MGAT4C: variants seen among roughly 807,000 people sequenced by gnomAD.
MGAT4C encodes alpha-1,3-mannosyl-glycoprotein 4-beta-N-acetylglucosaminyltransferase C.
MGAT4C carries 19 observed loss-of-function variants against 40.1 expected under a neutral mutation model. The observed-to-expected ratio is 0.47, with a 90% confidence interval of 0.33 to 0.70. The LOEUF (loss-of-function observed/expected upper bound fraction) is 0.70. Among genes scored for constraint, MGAT4C ranks in the 30% least tolerant of loss-of-function variants. The pLI is 0.02. For synonymous variants in MGAT4C, 181 were observed against 187.1 expected, an observed-to-expected ratio of 0.97 and a Z score of 0.27; for missense variants, 491 against 563.2, an observed-to-expected ratio of 0.87 and a Z score of 1.30.
Position 86,305,455 on chromosome 12 carries a change from A to G in MGAT4C, c.-57+28610T>C, listed in dbSNP as rs182423922. 8.3e-3 allele frequency among the ~76,000 whole-genome samples: 1,243 copies of G among 150,054 alleles called. 31 individuals carry two copies. Among genetic ancestry groups the G allele is most frequent in the Non-Finnish European group, 0.013 (910 of 67,934 alleles). ...ACTCCGTCTCAAAGAAAAAAAAAAA[A>G]AAAGAAAGAAAGAAATGCTGTTATG... On this transcript the variant is annotated intron_variant, in intron 4 of 7. Transcript: ENST00000548651.
intron 1 of MGAT4C, among the ~76,000 whole-genome samples, chr12:86,214,158 T>C (rs149900768): frequency 6.6e-6 from 1 of 152,322 alleles, no homozygotes; most frequent in East Asian, 1.9e-4. Context: ...AAATTGAATT[T>C]CTCTGTGTTT....
rs556514225 is a variant in MGAT4C at position 85,968,208 on chromosome 12, T to G, written c.*11081A>C. 6.6e-6 allele frequency: 1 copy of G among 152,192 alleles called. No homozygotes were observed. The highest frequency in any genetic ancestry group is 1.5e-5 in the Non-Finnish European group (1 of 67,946). 9.4% of individuals were successfully genotyped at this position (152,192 alleles called of 1,614,324 possible). ...AAAACTGATAGTTTTTCTCCTTCTT[T>G]CTTGAATATGTTTAGTTAATTTTGT... On this transcript the variant is annotated 3_prime_UTR_variant, in exon 5 of 5. Coordinates refer to ENST00000611864, the MANE Select transcript of MGAT4C (RefSeq NM_001351288.2).
At chr12:86,230,557 C>T (rs901464548) in intron 1 of MGAT4C, among the ~76,000 whole-genome samples, 3 of 152,066 alleles carry the variant, frequency 2.0e-5, no homozygotes, top group African/African-American at 7.2e-5. Flanking sequence ...AAAATGTGTC[C>T]AGTGTAAGTT....
intron 2 of MGAT4C, among the ~76,000 whole-genome samples, chr12:86,030,630 A>G (rs1338915322): frequency 6.6e-6 from 1 of 151,788 alleles, no homozygotes; most frequent in African/African-American, 2.4e-5. Context: ...ATATATATTT[A>G]TGCATTGTTC....
chr12:86,117,903 T>C (rs1370601788), intron 1 of MGAT4C, among the ~76,000 whole-genome samples: 1 of 152,150 alleles, frequency 6.6e-6, no homozygotes, highest in African/African-American at 2.4e-5. Flanking sequence ...TGATGACTAA[T>C]GGGTCATGAT....
intron 2 of MGAT4C, among the ~76,000 whole-genome samples, chr12:86,035,245 CT>C (rs1891118571): frequency 6.7e-6 from 1 of 150,086 alleles, no homozygotes; most frequent in African/African-American, 2.4e-5. Flanking sequence ...TGTTTCCTAA[CT>C]TTTTAATGAT....
At chr12:86,533,984 T>C (rs1301953960) in intron 2 of MGAT4C, among the ~76,000 whole-genome samples, 5 of 152,072 alleles carry the variant, frequency 3.3e-5, no homozygotes, top group African/African-American at 9.7e-5. Context: ...TCATGACAGA[T>C]AGTAGGCCCT....
intron 2 of MGAT4C, among the ~76,000 whole-genome samples, chr12:86,522,166 T>C (rs1958806002): frequency 6.6e-6 from 1 of 152,150 alleles, no homozygotes. Flanking sequence ...AGAGAGGATA[T>C]CTTTGTCCTG....
intron 1 of MGAT4C, among the ~76,000 whole-genome samples, chr12:86,741,263 A>G (rs1439292817): frequency 1.3e-5 from 2 of 151,306 alleles, no homozygotes; most frequent in East Asian, 3.9e-4. Context: ...TGGGATAAAA[A>G]CAATTTAAAA....
chr12:86,823,564 T>C (rs1303647830), intron 1 of MGAT4C, among the ~76,000 whole-genome samples: 2 of 151,200 alleles, frequency 1.3e-5, no homozygotes. Flanking sequence ...TCACATTGTC[T>C]GGCAAAGCTC....
chr12:86,345,251 T>G (rs1325347896), intron 3 of MGAT4C, among the ~76,000 whole-genome samples: 1 of 151,720 alleles, frequency 6.6e-6, no homozygotes. Context: ...CTTTCTTATT[T>G]ATTTATTTAT....
Position 86,247,444 on chromosome 12 carries a change from A to G in MGAT4C, c.-57+8795T>C, listed in dbSNP as rs1249427774. ...TGATTCAGAGTAGACTCTGGCCATT[A>G]CTTTCATAAAGATTACAGTCTCGTG... On this transcript the variant is annotated intron_variant, in intron 1 of 4. Transcript: ENST00000611864. Among the ~76,000 whole-genome samples the G allele has an allele frequency of 2.0e-5, 3 of 152,106 alleles. No individual in the cohort carries two copies. In the East Asian group the frequency reaches 5.8e-4, roughly 29 times the overall value.
intron 3 of MGAT4C, among the ~76,000 whole-genome samples, chr12:86,400,458 G>A (rs781133203): frequency 1.3e-5 from 2 of 152,140 alleles, no homozygotes; most frequent in Non-Finnish European, 1.5e-5. Context: ...GAAAGAGGTA[G>A]ACGATTTTCT....
At chr12:86,520,176 G>A (rs965449850) in intron 2 of MGAT4C, among the ~76,000 whole-genome samples, 1 of 151,994 alleles carries the variant, frequency 6.6e-6, no homozygotes, top group Non-Finnish European at 1.5e-5. Context: ...TATTAAGCCT[G>A]GTTAGTAATC....
chr12:86,589,762 C>G (rs10776991), intron 2 of MGAT4C, among the ~76,000 whole-genome samples: 12 of 151,910 alleles, frequency 7.9e-5, no homozygotes, highest in East Asian at 3.9e-4. Flanking sequence ...ACGCAAATCA[C>G]TAAGTGTACT....
At chr12:86,795,201 C>T (rs1952093782) in intron 1 of MGAT4C, among the ~76,000 whole-genome samples, 1 of 151,918 alleles carries the variant, frequency 6.6e-6, no homozygotes, top group East Asian at 1.9e-4. Flanking sequence ...TTATTATATT[C>T]TAATTACAAT....
In MGAT4C at chr12:86,779,463, A is replaced by T. The variant is rs113618021; in HGVS notation, c.-261-52222T>A. Among the ~76,000 whole-genome samples the T allele has an allele frequency of 3.2e-3, 492 of 152,046 alleles. 2 individuals are homozygous for T. Among genetic ancestry groups the T allele is most frequent in the African/African-American group, 0.011 (476 of 41,486 alleles). ...TAATTGAAAAAAAAATTAGCCAGGC[A>T]TGGTAGTGTACGCCTGTAGTCCCAG... On this transcript the variant is annotated intron_variant, in intron 1 of 7. Transcript: ENST00000548651.
At chr12:86,372,766 A>C (rs1955742277) in intron 3 of MGAT4C, among the ~76,000 whole-genome samples, 1 of 151,808 alleles carries the variant, frequency 6.6e-6, no homozygotes, top group Non-Finnish European at 1.5e-5. Flanking sequence ...CATCAGCTAC[A>C]ATTTCTTAGT....
Position 86,763,900 on chromosome 12 carries a change from G to A in MGAT4C, c.-261-36659C>T, listed in dbSNP as rs566583655. 1.2e-4 allele frequency among the ~76,000 whole-genome samples: 18 copies of A among 152,244 alleles called. No homozygotes were observed. In the South Asian group the frequency reaches 3.3e-3, roughly 28 times the overall value. ...AGAGGGCAGCCAAGACGGCCGAATA[G>A]GAACAGCTCCTGTCTACAGCTCCCA... is the stretch of plus-strand genomic sequence containing the variant. On this transcript the variant is annotated intron_variant, in intron 1 of 7. Transcript: ENST00000548651.
Sources: gnomAD v4.1 joint callset for allele counts (sites outside exome capture counted in the v4.1 genomes callset) on GRCh38, gnomAD v4.1.1 for gene constraint, MANE v1.5 for transcripts, NCBI Gene and HGNC (gene_info 2026-07-23, HGNC 2026-07-21) for gene names.